Variants in XKR9 observed in about 807,000 individuals in gnomAD.
XKR9 encodes the protein XK related 9, also known as XK-related protein 9.
Under a neutral mutation model 32.0 loss-of-function variants are expected in XKR9, and 32 were observed. That is an observed-to-expected ratio of 1.00 (90% CI 0.76 to 1.34). XKR9 has a LOEUF of 1.34. Ranked by LOEUF, XKR9 falls within the 40% of genes most tolerant of loss-of-function variation. The pLI, the probability that XKR9 is intolerant of heterozygous loss-of-function variation, is 0.00. For synonymous variants in XKR9, 168 were observed against 143.4 expected (o/e 1.17, Z -1.22); for missense variants, 546 against 429.7 (o/e 1.27, Z -2.39).
intron 2 of XKR9, among the ~76,000 whole-genome samples, chr8:70,677,090 T>A (rs1162591781): frequency 6.6e-6 from 1 of 152,116 alleles, no homozygotes; most frequent in African/African-American, 2.4e-5. Flanking sequence ...CTATAAAGTT[T>A]TCCTGAGAAA....
the XKR9 span, among the ~76,000 whole-genome samples, chr8:71,058,050 G>A: frequency 3.3e-5 from 5 of 152,014 alleles, no homozygotes; most frequent in Admixed American, 6.6e-5. Flanking sequence ...GTGTGGTGGC[G>A]GGCGCCTGTA....
At chr8:70,986,931 A>G in the XKR9 span, among the ~76,000 whole-genome samples, 2 of 152,302 alleles carry the variant, frequency 1.3e-5, no homozygotes, top group South Asian at 2.1e-4. Flanking sequence ...GCAAGGAGGA[A>G]CAAGTCTTGT....
At chr8:70,743,935 G>T (rs1462952854) in intron 2 of XKR9, among the ~76,000 whole-genome samples, 1 of 152,008 alleles carries the variant, frequency 6.6e-6, no homozygotes, top group Non-Finnish European at 1.5e-5. Context: ...GTAATTACCA[G>T]TGTTTTGTCC....
the XKR9 span, among the ~76,000 whole-genome samples, chr8:70,904,311 G>A: frequency 6.6e-6 from 1 of 152,186 alleles, no homozygotes; most frequent in Non-Finnish European, 1.5e-5. Context: ...TGTATTGGGT[G>A]CATGTATATT....
the XKR9 span, among the ~76,000 whole-genome samples, chr8:70,915,403 T>A: frequency 6.6e-6 from 1 of 152,140 alleles, no homozygotes; most frequent in East Asian, 1.9e-4. Context: ...AATTAAACTA[T>A]AAACTAAATT....
chr8:71,063,777 A>C, the XKR9 span, among the ~76,000 whole-genome samples: 4 of 152,240 alleles, frequency 2.6e-5, no homozygotes, highest in African/African-American at 9.6e-5. Context: ...ATGGATCACA[A>C]GATGAATAAT....
At chr8:70,829,598 G>A in the XKR9 span, among the ~76,000 whole-genome samples, 8 of 152,062 alleles carry the variant, frequency 5.3e-5, no homozygotes, top group East Asian at 1.4e-3. Flanking sequence ...ACAGGCGCCC[G>A]CTACCACACC....
chr8:71,026,092 A>G, the XKR9 span, among the ~76,000 whole-genome samples: 876 of 152,256 alleles, frequency 5.8e-3, 10 homozygotes, highest in African/African-American at 0.02. Context: ...CCAAAATTCA[A>G]ATCTTTGAAG....
At chr8:70,758,390 G>A (rs1475398116) in intron 2 of XKR9, among the ~76,000 whole-genome samples, 2 of 152,058 alleles carry the variant, frequency 1.3e-5, no homozygotes, top group Admixed American at 6.6e-5. Context: ...CTGTACACTA[G>A]TCCCATCAAA....
intron 2 of XKR9, among the ~76,000 whole-genome samples, chr8:70,770,437 C>T (rs759424246): frequency 7.9e-5 from 12 of 152,146 alleles, no homozygotes; most frequent in East Asian, 1.9e-4. Flanking sequence ...AGAGCTTGAG[C>T]GCTGTGCTGG....
chr8:70,886,274 T>G, the XKR9 span, among the ~76,000 whole-genome samples: 1 of 152,268 alleles, frequency 6.6e-6, no homozygotes, highest in Non-Finnish European at 1.5e-5. Context: ...TCACATTTTC[T>G]TAATCCAGTC....
chr8:70,849,498 C>A, the XKR9 span, among the ~76,000 whole-genome samples: 1 of 152,306 alleles, frequency 6.6e-6, no homozygotes, highest in South Asian at 2.1e-4. Context: ...CACTAAATGC[C>A]TGCAGGAGAA....
chr8:70,840,204 G>A, the XKR9 span, among the ~76,000 whole-genome samples: 2 of 152,122 alleles, frequency 1.3e-5, no homozygotes, highest in Admixed American at 6.6e-5. Flanking sequence ...TAGGCTTTTA[G>A]GATAACTCTG....
chr8:70,826,916 T>G, the XKR9 span, among the ~76,000 whole-genome samples: 1 of 152,122 alleles, frequency 6.6e-6, no homozygotes, highest in Non-Finnish European at 1.5e-5. Context: ...TTGAAGACCA[T>G]TTTTTAAAAA....
At chr8:70,998,102 A>T in the XKR9 span, among the ~76,000 whole-genome samples, 1 of 152,226 alleles carries the variant, frequency 6.6e-6, no homozygotes, top group African/African-American at 2.4e-5. Flanking sequence ...GCTACCTCTG[A>T]TGAAGTAGCA....
chr8:70,682,926 T>G (rs1431540775), intron 3 of XKR9, among the ~76,000 whole-genome samples: 1 of 152,236 alleles, frequency 6.6e-6, no homozygotes, highest in African/African-American at 2.4e-5. Flanking sequence ...CATACAAAGC[T>G]GCTTTGCTCT....
At chr8:71,005,635 A>C in the XKR9 span, among the ~76,000 whole-genome samples, 1 of 152,212 alleles carries the variant, frequency 6.6e-6, no homozygotes, top group Non-Finnish European at 1.5e-5. Context: ...AGTGGAAAAT[A>C]TGGGGAGTTT....
chr8:70,755,462 A>C (rs4738100), intron 2 of XKR9, among the ~76,000 whole-genome samples: 7,406 of 152,244 alleles, frequency 0.049, 812 homozygotes, highest in East Asian at 0.27. Flanking sequence ...ATGCACACGT[A>C]TGTTTATTGT....
the XKR9 span, among the ~76,000 whole-genome samples, chr8:70,986,835 T>C: frequency 3.3e-5 from 5 of 152,240 alleles, no homozygotes; most frequent in Admixed American, 6.5e-5. Context: ...AAGACATACC[T>C]GAGACTGGGC....
Sources: gnomAD v4.1 joint callset for allele counts (sites outside exome capture counted in the v4.1 genomes callset) on GRCh38, gnomAD v4.1.1 for gene constraint, MANE v1.5 for transcripts, NCBI Gene and HGNC (gene_info 2026-07-23, HGNC 2026-07-21) for gene names.